The following WSCD2 variants were observed in gnomAD, a reference collection of about 807,000 sequenced individuals.
WSCD2 encodes the protein WSC domain sialate O sulfotransferase 2.
In WSCD2, 28 loss-of-function variants were observed where a neutral mutation model predicts 55.7. That is an observed-to-expected ratio of 0.50 (90% CI 0.37 to 0.69). The LOEUF (loss-of-function observed/expected upper bound fraction) is 0.69, where lower values mean the gene tolerates loss of function less well. Among genes scored for constraint, WSCD2 ranks in the 30% least tolerant of loss-of-function variants. WSCD2 has a pLI of 0.00. For missense variants in WSCD2, 616 were observed against 762.1 expected, an observed-to-expected ratio of 0.81 and a Z score of 2.26; for synonymous variants, 301 against 301.9, an observed-to-expected ratio of 1.00 and a Z score of 0.03.
intron 1 of WSCD2, among the ~76,000 whole-genome samples, chr12:108,153,267 G>A (rs1878199233): frequency 6.6e-6 from 1 of 152,162 alleles, no homozygotes. Flanking sequence ...AGCTCCCACT[G>A]GCTCAATGTT....
At chr12:108,146,228 T>C (rs945427088) in intron 1 of WSCD2, among the ~76,000 whole-genome samples, 1 of 152,244 alleles carries the variant, frequency 6.6e-6, no homozygotes, top group Non-Finnish European at 1.5e-5. Flanking sequence ...TAATTATCTT[T>C]GGGGGCCCCC....
intron 1 of WSCD2, among the ~76,000 whole-genome samples, chr12:108,161,286 C>T (rs960143693): frequency 2.6e-5 from 4 of 152,186 alleles, no homozygotes; most frequent in African/African-American, 9.7e-5. Flanking sequence ...TTCTAACCTC[C>T]AGGCCTTCAG....
rs888925745 is a variant in WSCD2 at position 108,250,416 on chromosome 12, A to C, written c.*2073A>C. On this transcript the variant is annotated 3_prime_UTR_variant, in exon 9 of 9. Transcript: ENST00000547525. ...TGCCTTTGTGTTCTCCTGCCTTTCT[A>C]TGTTTTGAAACTGTATCCCACAAGT... 1.3e-5 allele frequency: 2 copies of C among 152,138 alleles called. No individual in the cohort carries two copies. The highest frequency in any genetic ancestry group is 4.8e-5 in the African/African-American group (2 of 41,398). The allele number at this position is 152,138 out of a possible 1,614,324, so 9.4% of individuals were successfully genotyped here.
chr12:108,212,902 G>T lies in WSCD2; in HGVS notation c.682+2597G>T, dbSNP rs570474974. Among the ~76,000 whole-genome samples, 21 of 152,100 alleles carry T rather than the reference G, an allele frequency of 1.4e-4. 1 individual carries two copies. The highest frequency in any genetic ancestry group is 1.4e-3 in the Admixed American group (21 of 15,276). ...TCCATCACCGTTGTTCCGAATCATC[G>T]CCATGTAAGGTTTGAAGCTTGAGCA... On this transcript the variant is annotated intron_variant, in intron 4 of 8. Transcript: ENST00000547525.
chr12:108,148,778 G>A (rs1376701979), intron 1 of WSCD2, among the ~76,000 whole-genome samples: 1 of 152,130 alleles, frequency 6.6e-6, no homozygotes, highest in Non-Finnish European at 1.5e-5. Flanking sequence ...CCAGAAACCG[G>A]GCTAAACATT....
At chr12:108,196,341 T>C (rs981097223) in intron 2 of WSCD2, 127 bp downstream of exon 2, 10 of 1,340,418 alleles carry the variant, frequency 7.5e-6, no homozygotes, top group Non-Finnish European at 9.9e-6. Flanking sequence ...TAGCTATAAA[T>C]AGTGCCTGCC....
intron 8 of WSCD2, among the ~76,000 whole-genome samples, chr12:108,242,090 C>T (rs937758714): frequency 6.6e-6 from 1 of 152,234 alleles, no homozygotes. Context: ...CATCCAGCCT[C>T]CAGGAACCAG....
At chr12:108,188,031 C>T (rs1882728524) in intron 1 of WSCD2, among the ~76,000 whole-genome samples, 1 of 152,202 alleles carries the variant, frequency 6.6e-6, no homozygotes, top group African/African-American at 2.4e-5. Flanking sequence ...ATAACGGACA[C>T]CATATGCTCC....
intron 1 of WSCD2, among the ~76,000 whole-genome samples, chr12:108,140,211 G>A (rs959687798): frequency 7.9e-5 from 12 of 152,170 alleles, no homozygotes; most frequent in Admixed American, 1.3e-4. Context: ...ACCACTCTTC[G>A]CCTCCGTTTC....
chr12:108,216,390 GT>G (rs1886832889), intron 4 of WSCD2, among the ~76,000 whole-genome samples: 1 of 152,192 alleles, frequency 6.6e-6, no homozygotes, highest in Non-Finnish European at 1.5e-5. Context: ...ATATAGAAAG[GT>G]TTGATCATTA....
chr12:108,214,221 G>A (rs1170142904), intron 4 of WSCD2, among the ~76,000 whole-genome samples: 1 of 152,222 alleles, frequency 6.6e-6, no homozygotes, highest in Non-Finnish European at 1.5e-5. Context: ...CAGTGGCACA[G>A]AACCTTTAAT....
intron 1 of WSCD2, among the ~76,000 whole-genome samples, chr12:108,140,234 CTG>C (rs1876647633): frequency 6.6e-6 from 1 of 152,152 alleles, no homozygotes; most frequent in African/African-American, 2.4e-5. Context: ...CGTTTTAAAA[CTG>C]AGATACAAAA....
intron 1 of WSCD2, among the ~76,000 whole-genome samples, chr12:108,151,963 A>C (rs987306135): frequency 1.7e-4 from 26 of 152,282 alleles, no homozygotes; most frequent in African/African-American, 5.1e-4. Context: ...CCCAGACGGG[A>C]GAATGGCTCT....
chr12:108,132,143 C>T (rs200074722), intron 1 of WSCD2, among the ~76,000 whole-genome samples: 1 of 145,504 alleles, frequency 6.9e-6, no homozygotes, highest in African/African-American at 2.5e-5. Flanking sequence ...TGATTTTTTT[C>T]TGCGTGGTTC....
At chr12:108,238,910 A>C (rs191083245) in intron 7 of WSCD2, among the ~76,000 whole-genome samples, 1 of 152,326 alleles carries the variant, frequency 6.6e-6, no homozygotes, top group East Asian at 1.9e-4. Context: ...GAGTTATTGG[A>C]CATCTCTGCC....
chr12:108,202,772 T>G (rs1162435521), intron 2 of WSCD2, among the ~76,000 whole-genome samples: 1 of 152,146 alleles, frequency 6.6e-6, no homozygotes, highest in South Asian at 2.1e-4. Flanking sequence ...AATACCTGGG[T>G]GACAAAATAA....
At chr12:108,229,804 G>T (rs1888537439) in intron 6 of WSCD2, among the ~76,000 whole-genome samples, 1 of 151,628 alleles carries the variant, frequency 6.6e-6, no homozygotes, top group Non-Finnish European at 1.5e-5. Flanking sequence ...ATTCTGTTTT[G>T]GGGGGACATT....
intron 1 of WSCD2, among the ~76,000 whole-genome samples, chr12:108,184,205 C>T (rs1238353696): frequency 2.6e-5 from 4 of 152,014 alleles, no homozygotes; most frequent in Non-Finnish European, 5.9e-5. Context: ...TCAGAGCTGG[C>T]AGTAGGTGCT....
In WSCD2 at chr12:108,249,692, C is replaced by T. The variant is rs1890322634; in HGVS notation, c.*1349C>T. 6.6e-6 allele frequency: 1 copy of T among 152,634 alleles called. No individual in the cohort carries two copies. Among genetic ancestry groups the T allele is most frequent in the Non-Finnish European group, 1.5e-5 (1 of 68,042 alleles). The allele number at this position is 152,634 out of a possible 1,614,324, so 9.5% of individuals were successfully genotyped here. A position where few individuals can be genotyped will look rare whatever the true frequency, so the allele number is the denominator to read the frequency against. On this transcript the variant is annotated 3_prime_UTR_variant, in exon 9 of 9. Coordinates refer to ENST00000547525, the MANE Select transcript of WSCD2 (RefSeq NM_014653.4). Reference sequence around the variant, plus strand: ...AAGCCTTGGAGTGCAGGTAAATGCTCATTCCCAAGTAGCAAAGAGACCATG... The same window carrying T: ...AAGCCTTGGAGTGCAGGTAAATGCTTATTCCCAAGTAGCAAAGAGACCATG...
Sources: gnomAD v4.1 joint callset for allele counts (sites outside exome capture counted in the v4.1 genomes callset) on GRCh38, gnomAD v4.1.1 for gene constraint, MANE v1.5 for transcripts, NCBI Gene and HGNC (gene_info 2026-07-23, HGNC 2026-07-21) for gene names.